SLC38A9: variants seen among roughly 807,000 people sequenced by gnomAD.
SLC38A9 encodes solute carrier family 38 member 9.
In SLC38A9, 48 loss-of-function variants were observed where a neutral mutation model predicts 62.3. The ratio of observed to expected loss-of-function variants is 0.77; its 90% CI spans 0.61 to 0.98. SLC38A9 has a LOEUF of 0.98. Among genes scored for constraint, SLC38A9 ranks in the 50% least tolerant of loss-of-function variants. SLC38A9 has a pLI of 0.00. For missense variants in SLC38A9, 541 were observed against 679.8 expected, an observed-to-expected ratio of 0.80 and a Z score of 2.27; for synonymous variants, 204 against 227.7, an observed-to-expected ratio of 0.90 and a Z score of 0.94.
rs796827185 is a variant in SLC38A9, at chr5:55,692,642, G to A, written c.113+5204C>T. The stretch of plus-strand genomic sequence containing the variant: ...AGCTGATTCCCTCTCATTTCAACAA[G>A]TTTCATTATAGAAAATATATTGCCA... On this transcript the variant is annotated intron_variant, in intron 3 of 15. Transcript: ENST00000396865. 2.3e-5 allele frequency: 23 copies of A among 985,240 alleles called. No homozygotes were observed. The African/African-American group carries it at 3.1e-4, about 13-fold the overall frequency. The allele number at this position is 985,240 out of a possible 1,614,324, so 61.0% of individuals were successfully genotyped here.
At chr5:55,632,202 C>T (rs7706923) in intron 14 of SLC38A9, among the ~76,000 whole-genome samples, 28,630 of 152,100 alleles carry the variant, frequency 0.19, 2,759 homozygotes, top group Middle Eastern at 0.22. Flanking sequence ...CTTTGGAAGG[C>T]TGAGGCGGGC....
intron 2 of SLC38A9, among the ~76,000 whole-genome samples, chr5:55,708,354 G>A (rs1006120427): frequency 7.2e-5 from 11 of 152,164 alleles, no homozygotes; most frequent in Non-Finnish European, 1.0e-4. Flanking sequence ...GTTAGTGCCT[G>A]TACTGAAGCA....
chr5:55,667,870 G>A (rs1750726951), intron 7 of SLC38A9, among the ~76,000 whole-genome samples: 1 of 152,122 alleles, frequency 6.6e-6, no homozygotes, highest in African/African-American at 2.4e-5. Context: ...TTTAAATGGT[G>A]TGGAGTAGTT....
intron 7 of SLC38A9, among the ~76,000 whole-genome samples, chr5:55,668,175 A>T (rs992743853): frequency 9.2e-6 from 1 of 108,598 alleles, no homozygotes; most frequent in Non-Finnish European, 2.2e-5. Context: ...GTCTCCAAAA[A>T]AAAGGAAAAT....
chr5:55,663,296 C>CAAAAAAA (rs555065009), intron 8 of SLC38A9, among the ~76,000 whole-genome samples: 1 of 93,122 alleles, frequency 1.1e-5, no homozygotes, highest in African/African-American at 4.7e-5. Context: ...TCTGTCTCTA[C>CAAAAAAA]AAAAAAAAAA....
chr5:55,646,959 TGTTGTCCA>T (rs1746470233), intron 11 of SLC38A9, among the ~76,000 whole-genome samples: 1 of 152,152 alleles, frequency 6.6e-6, no homozygotes, highest in Non-Finnish European at 1.5e-5. Flanking sequence ...GGTCTCACCA[TGTTGTCCA>T]GGCTGGTCTT....
intron 12 of SLC38A9, among the ~76,000 whole-genome samples, chr5:55,645,547 T>C (rs1746190433): frequency 6.6e-6 from 1 of 152,218 alleles, no homozygotes; most frequent in Non-Finnish European, 1.5e-5. Flanking sequence ...GCTGCTTTCA[T>C]AACATAACAG....
chr5:55,633,714 T>A, intron 14 of SLC38A9, 40 bp downstream of exon 14: 1 of 1,613,656 alleles, frequency 6.2e-7, no homozygotes, highest in Non-Finnish European at 8.5e-7. Context: ...CAGTCATTTG[T>A]TGCTTGGCAC....
Position 55,672,562 on chromosome 5 carries a change from C to T in SLC38A9, c.246+1G>A. 1 of 1,613,706 alleles carries T rather than the reference C, an allele frequency of 6.2e-7. No homozygotes were observed. The highest frequency in any genetic ancestry group is 1.7e-5 in the Admixed American group (1 of 59,944). ...ACTATTAGTAATGTTTTGTCTCTTA[C>T]CAGTGCCTTGTCTGCAGGAGTGGTG... On this transcript the variant is annotated splice_donor_variant, in intron 4 of 15. Coordinates refer to ENST00000396865, the MANE Select transcript of SLC38A9 (RefSeq NM_173514.4). LOFTEE classifies it high-confidence loss of function.
chr5:55,657,075 A>T (rs1379234559), intron 8 of SLC38A9, among the ~76,000 whole-genome samples: 1 of 152,098 alleles, frequency 6.6e-6, no homozygotes, highest in Non-Finnish European at 1.5e-5. Flanking sequence ...GTTAGCCAGG[A>T]TGGTCTCGAT....
intron 12 of SLC38A9, among the ~76,000 whole-genome samples, chr5:55,639,156 T>C (rs4865964): frequency 0.61 from 92,096 of 151,604 alleles, 28,400 homozygotes; most frequent in South Asian, 0.7. Flanking sequence ...GCCTGTTATC[T>C]CAGCTACTTG....
intron 2 of SLC38A9, among the ~76,000 whole-genome samples, chr5:55,705,006 T>A (rs143031476): frequency 1.3e-5 from 2 of 152,226 alleles, no homozygotes; most frequent in Non-Finnish European, 2.9e-5. Context: ...ACTTTTATTA[T>A]GAATTTGGCT....
In SLC38A9 at chr5:55,635,554, C is replaced by T. The variant is rs1243368030; in HGVS notation, c.1271G>A (p.Cys424Tyr). The change falls in exon 13 of 16, where the codon TGT (cysteine) becomes TAT (tyrosine). Residue 424 changes from cysteine to tyrosine, a missense_variant. Physicochemically the swap from Cys to Tyr is radical, Grantham distance 194. Coordinates refer to ENST00000396865, the MANE Select transcript of SLC38A9 (RefSeq NM_173514.4). ...TACACGGTGCCTTACCTGCTCAATACAATCTTTGGATAATGGTGGTGAAGG... is the reference window on the plus strand; with the variant it reads ...TACACGGTGCCTTACCTGCTCAATATAATCTTTGGATAATGGTGGTGAAGG... ...SFPSPPLSKD[C>Y]IEQNFLDNFP... 1 of 1,611,750 alleles carries T rather than the reference C, an allele frequency of 6.2e-7. No homozygotes were observed. The highest frequency in any genetic ancestry group is 1.7e-4 in the Middle Eastern group (1 of 6,054).
chr5:55,626,087 G>A lies in SLC38A9; in HGVS notation c.*407C>T, dbSNP rs1287827682. ...GAAATGGTCTAGTAAGTAAGAAAATGAAAGTGAATACACTGAAACATAAAA... is the reference window on the plus strand; with the variant it reads ...GAAATGGTCTAGTAAGTAAGAAAATAAAAGTGAATACACTGAAACATAAAA... On this transcript the variant is annotated 3_prime_UTR_variant, in exon 16 of 16. Transcript: ENST00000396865. The A allele has an allele frequency of 6.4e-6, 1 of 157,248 alleles. No homozygotes were observed. Among genetic ancestry groups the A allele is most frequent in the Non-Finnish European group, 1.4e-5 (1 of 70,958 alleles). The allele number at this position is 157,248 out of a possible 1,614,324, so 9.7% of individuals were successfully genotyped here. A position where few individuals can be genotyped will look rare whatever the true frequency, so the allele number is the denominator to read the frequency against.
intron 8 of SLC38A9, among the ~76,000 whole-genome samples, chr5:55,659,349 A>G (rs1749041435): frequency 6.6e-6 from 1 of 150,770 alleles, no homozygotes; most frequent in Non-Finnish European, 1.5e-5. Flanking sequence ...GTATGTATAC[A>G]TATATGAACT....
chr5:55,697,857 T>C lies in SLC38A9; in HGVS notation c.102A>G (p.Leu34=), dbSNP rs1216996109. Residue 34 remains leucine (L), a synonymous_variant, in exon 3 of 16, where the codon CTA becomes CTG. Transcript: ENST00000396865. The part of the protein sequence containing the change: ...PMNIQFEPSD[L]RSKRPFCIEP... ...TTTTAAATGCTTACCTTTTGGATCT[T>C]AGATCCGATGGCTCAAACTGGATAT... The C allele has an allele frequency of 2.5e-6, 4 of 1,577,864 alleles. No individual in the cohort carries two copies. Among genetic ancestry groups the C allele is most frequent in the East Asian group, 4.5e-5 (2 of 44,242 alleles).
chr5:55,687,001 C>CT (rs1391049206), intron 3 of SLC38A9, among the ~76,000 whole-genome samples: 2 of 148,654 alleles, frequency 1.3e-5, no homozygotes, highest in Non-Finnish European at 3.0e-5. Context: ...CAGTACCATG[C>CT]TGTTTTGGTT....
intron 7 of SLC38A9, among the ~76,000 whole-genome samples, chr5:55,666,643 A>G (rs1750505418): frequency 6.6e-6 from 1 of 152,240 alleles, no homozygotes; most frequent in Admixed American, 6.5e-5. Context: ...CTGTAATCCC[A>G]GCACTTCGGG....
intron 10 of SLC38A9, among the ~76,000 whole-genome samples, 199 bp from the exon 11 acceptor site, chr5:55,649,513 T>C (rs1342722781): frequency 6.6e-6 from 1 of 151,788 alleles, no homozygotes; most frequent in Non-Finnish European, 1.5e-5. Context: ...AAACACTCTA[T>C]GTAGTAGGCC....
Sources: allele counts gnomAD v4.1 joint callset (sites outside exome capture counted in the v4.1 genomes callset), GRCh38; gene constraint gnomAD v4.1.1; transcripts MANE v1.5; gene names NCBI Gene and HGNC (gene_info 2026-07-23, HGNC 2026-07-21).